Variants in ABI3BP observed in about 807,000 individuals in gnomAD.
The protein encoded by ABI3BP is ABI family member 3 binding protein, also known as target of Nesh-SH3.
Under a neutral mutation model 268.6 loss-of-function variants are expected in ABI3BP, and 216 were observed. That is an observed-to-expected ratio of 0.80 (90% CI 0.72 to 0.90). The LOEUF is 0.90. Among genes scored for constraint, ABI3BP ranks in the 40% least tolerant of loss-of-function variants. The pLI, the probability that ABI3BP is intolerant of heterozygous loss-of-function variation, is 0.00. For synonymous variants in ABI3BP, 730 were observed against 730.0 expected, an observed-to-expected ratio of 1.00 and a Z score of 0.00; for missense variants, 2,090 against 2,182.4, an observed-to-expected ratio of 0.96 and a Z score of 0.84.
At position 100,886,272 on chromosome 3, in the gene ABI3BP, A is replaced by T; in HGVS notation, c.513T>A (p.Phe171Leu). 6.2e-7 allele frequency: 1 copy of T among 1,609,606 alleles called. No homozygotes were observed. Residue 171 changes from phenylalanine to leucine, a missense_variant, in exon 5 of 68, where the codon TTT becomes TTA. Coordinates refer to ENST00000471714, the MANE Select transcript of ABI3BP (RefSeq NM_001375547.2). ...REKDKEKKWI[F>L]QICPATETIV... ...TTGTTTCAGTGGCTGGACAGATTTG[A>T]AAAATCCACTTCTTTTCTTTATCCT...
intron 1 of ABI3BP, among the ~76,000 whole-genome samples, chr3:100,927,106 T>C (rs1337214624): frequency 1.3e-5 from 2 of 151,882 alleles, no homozygotes; most frequent in African/African-American, 4.8e-5. Context: ...AGGATGGGGG[T>C]CGAGACCCAT....
At chr3:100,799,102 C>T (rs1017097063) in intron 51 of ABI3BP, among the ~76,000 whole-genome samples, 1 of 152,074 alleles carries the variant, frequency 6.6e-6, no homozygotes. Context: ...CAAAACAGCT[C>T]GAATGCTCTA....
intron 4 of ABI3BP, among the ~76,000 whole-genome samples, chr3:100,893,142 G>A (rs2153447047): frequency 6.6e-6 from 1 of 152,286 alleles, no homozygotes; most frequent in Non-Finnish European, 1.5e-5. Context: ...CCCCTGTGCT[G>A]GATGCTTCCT....
Position 100,778,325 on chromosome 3 carries a change from G to A in ABI3BP, c.4292C>T (p.Pro1431Leu). ...TCCAGTGACATTATTTGGTGGTAAA[G>A]GTTTTCTTCGTGGGTGTGTAGGTCT... is the stretch of plus-strand genomic sequence containing the variant. ...PPRPTHPRRK[P>L]LPPNNVTGKP... The change falls in exon 59 of 68, where the codon CCT becomes CTT. Residue 1431 changes from proline (P) to leucine (L), a missense_variant. By Grantham distance (98) the Pro-to-Leu change is moderately conservative. Transcript: ENST00000471714. The A allele has an allele frequency of 1.9e-6, 3 of 1,613,850 alleles. No homozygotes were observed. The highest frequency in any genetic ancestry group is 2.5e-6 in the Non-Finnish European group (3 of 1,179,828).
intron 1 of ABI3BP, among the ~76,000 whole-genome samples, chr3:100,929,691 A>G (rs2062995972): frequency 6.6e-6 from 1 of 151,900 alleles, no homozygotes. Flanking sequence ...AACATTTCTC[A>G]TTTGTTTTTG....
chr3:100,783,254 T>C (rs971995476), intron 57 of ABI3BP, among the ~76,000 whole-genome samples: 2 of 152,320 alleles, frequency 1.3e-5, no homozygotes, highest in African/African-American at 4.8e-5. Context: ...AAGATTTAGT[T>C]ACAGCCCAGA....
At chr3:100,874,152 A>G (rs1298858658) in intron 9 of ABI3BP, among the ~76,000 whole-genome samples, 1 of 150,336 alleles carries the variant, frequency 6.7e-6, no homozygotes, top group African/African-American at 2.4e-5. Flanking sequence ...CAGGCCCCAT[A>G]CCGGACCTAC....
At chr3:100,810,311 G>A in intron 49 of ABI3BP, 101 bp downstream of exon 49, 5 of 978,092 alleles carry the variant, frequency 5.1e-6, no homozygotes, top group Non-Finnish European at 6.1e-6. Context: ...CAAAGTCTGT[G>A]GGCAGAATGA....
At chr3:100,889,722 T>C (rs774626060) in intron 4 of ABI3BP, among the ~76,000 whole-genome samples, 7 of 152,132 alleles carry the variant, frequency 4.6e-5, no homozygotes, top group African/African-American at 7.2e-5. Flanking sequence ...GAAGGTAGCA[T>C]TTGGTTCAAC....
intron 1 of ABI3BP, among the ~76,000 whole-genome samples, chr3:100,981,500 A>T (rs2089427507): frequency 6.6e-6 from 1 of 152,162 alleles, no homozygotes. Flanking sequence ...AAAAAGAGTC[A>T]CACAATCAAA....
At chr3:100,880,182 G>T (rs1483197187) in intron 6 of ABI3BP, among the ~76,000 whole-genome samples, 1 of 152,150 alleles carries the variant, frequency 6.6e-6, no homozygotes, top group African/African-American at 2.4e-5. Flanking sequence ...ACAGTGTGGG[G>T]CCTGGAAATG....
chr3:100,894,471 T>C (rs959786129), intron 4 of ABI3BP, among the ~76,000 whole-genome samples: 4 of 152,068 alleles, frequency 2.6e-5, no homozygotes, highest in Non-Finnish European at 4.4e-5. Context: ...ACTCCCTGTC[T>C]TCACCGAGCT....
intron 17 of ABI3BP, 36 bp downstream of exon 17, chr3:100,850,009 C>A: frequency 6.4e-7 from 1 of 1,560,260 alleles, no homozygotes; most frequent in Non-Finnish European, 8.8e-7. Flanking sequence ...CCTGTTTCGT[C>A]AATGCATACA....
intron 51 of ABI3BP, among the ~76,000 whole-genome samples, chr3:100,804,402 G>C (rs991057315): frequency 1.3e-5 from 2 of 152,124 alleles, no homozygotes; most frequent in African/African-American, 2.4e-5. Flanking sequence ...CAAGTAAATG[G>C]CTAAACATCA....
At chr3:100,841,280 T>G (rs923640180) in intron 21 of ABI3BP, among the ~76,000 whole-genome samples, 2 of 148,566 alleles carry the variant, frequency 1.3e-5, no homozygotes, top group Non-Finnish European at 3.0e-5. Context: ...TTTCTATTTC[T>G]CTCTTTGAGT....
chr3:100,919,258 C>A (rs1189455888), intron 2 of ABI3BP, among the ~76,000 whole-genome samples: 1 of 152,068 alleles, frequency 6.6e-6, no homozygotes, highest in Non-Finnish European at 1.5e-5. Flanking sequence ...TCAATGAATG[C>A]ATAATCACTT....
At chr3:100,804,502 C>T (rs1344268447) in intron 51 of ABI3BP, among the ~76,000 whole-genome samples, 3 of 152,042 alleles carry the variant, frequency 2.0e-5, no homozygotes, top group Admixed American at 6.6e-5. Flanking sequence ...TTGAGCATAG[C>T]GTAGAATTGG....
At chr3:100,823,336 T>C in intron 37 of ABI3BP, 122 bp downstream of exon 37, 1 of 826,492 alleles carries the variant, frequency 1.2e-6, no homozygotes, top group Non-Finnish European at 1.8e-6. Flanking sequence ...TTAAGAGTCT[T>C]ATAATTTCAA....
chr3:100,861,698 A>G (rs1003093417), intron 14 of ABI3BP, among the ~76,000 whole-genome samples: 2 of 90,350 alleles, frequency 2.2e-5, no homozygotes, highest in Non-Finnish European at 6.3e-5. Flanking sequence ...CTCCACAGGA[A>G]AAAAAAAAAA....
Sources: allele counts gnomAD v4.1 joint callset (sites outside exome capture counted in the v4.1 genomes callset), GRCh38; gene constraint gnomAD v4.1.1; transcripts MANE v1.5; gene names NCBI Gene and HGNC (gene_info 2026-07-23, HGNC 2026-07-21).